The following CRB1 variants were observed in gnomAD, a reference collection of about 807,000 sequenced individuals.
CRB1 encodes the protein protein crumbs homolog 1.
Under a neutral mutation model 120.0 loss-of-function variants are expected in CRB1, and 83 were observed. The observed-to-expected ratio is 0.69, with a 90% CI of 0.58 to 0.83. CRB1 has a LOEUF of 0.83. Among genes scored for constraint, CRB1 ranks in the 40% least tolerant of loss-of-function variants. The pLI is 0.00. For missense variants in CRB1, 1,699 were observed against 1,687.6 expected, an observed-to-expected ratio of 1.01 and a Z score of -0.12; for synonymous variants, 625 against 612.5, an observed-to-expected ratio of 1.02 and a Z score of -0.30.
intron 7 of CRB1, among the ~76,000 whole-genome samples, chr1:197,428,798 G>A (rs909572562): frequency 6.6e-6 from 1 of 152,220 alleles, no homozygotes; most frequent in Non-Finnish European, 1.5e-5. Flanking sequence ...ATTTACAGAT[G>A]AAGTAACTGA....
In CRB1 at chr1:197,442,575, G is replaced by T. The variant is rs568722807; in HGVS notation, c.4005+283G>T. 9 of 1,394,508 alleles carry T rather than the reference G, an allele frequency of 6.5e-6. No individual in the cohort carries two copies. The African/African-American group carries it at 1.2e-4, about 18-fold the overall frequency. The allele number at this position is 1,394,508 out of a possible 1,614,324, so 86.4% of individuals were successfully genotyped here. A position where few individuals can be genotyped will look rare whatever the true frequency, so the allele number is the denominator to read the frequency against. ...ATTTTAAACATATCAGAAGCACTTT[G>T]TCTGTGTATAAAATATTTTCCTATT... On this transcript the variant is annotated intron_variant, in intron 11 of 11. Transcript: ENST00000367400.
intron 8 of CRB1, among the ~76,000 whole-genome samples, chr1:197,433,927 A>C (rs1382926921): frequency 6.6e-6 from 1 of 152,112 alleles, no homozygotes; most frequent in East Asian, 1.9e-4. Context: ...CTGTTTTTTC[A>C]AGAAAATATT....
At chr1:197,352,142 C>T (rs1660143967) in intron 4 of CRB1, among the ~76,000 whole-genome samples, 1 of 152,116 alleles carries the variant, frequency 6.6e-6, no homozygotes. Flanking sequence ...ATATAAGAAC[C>T]CCAGGGATGT....
chr1:197,354,584 G>A (rs1660325798), intron 4 of CRB1, among the ~76,000 whole-genome samples: 1 of 152,080 alleles, frequency 6.6e-6, no homozygotes, highest in East Asian at 1.9e-4. Flanking sequence ...CGCGTCTGGA[G>A]AGTTGTTTAT....
intron 5 of CRB1, among the ~76,000 whole-genome samples, chr1:197,396,321 C>T (rs902590172): frequency 1.3e-5 from 2 of 152,090 alleles, no homozygotes; most frequent in Non-Finnish European, 2.9e-5. Context: ...AAAGAAATTA[C>T]ATAAGCCCAA....
the CRB1 span, among the ~76,000 whole-genome samples, chr1:197,234,744 C>T: frequency 6.6e-6 from 1 of 152,164 alleles, no homozygotes; most frequent in East Asian, 1.9e-4. Flanking sequence ...TTCATGGTTC[C>T]AATAACATAG....
rs778707167 is a variant in CRB1, at chr1:197,328,552, T to C, written c.201T>C (p.Cys67=). Reference sequence around the variant, plus strand: ...CAGCCAATAATTTGGACAAAGACTGTGACAACATGAAAGACCCTTGCTTCT... The same window carrying C: ...CAGCCAATAATTTGGACAAAGACTGCGACAACATGAAAGACCCTTGCTTCT... ...SDTANNLDKD[C]DNMKDPCFSN... The change falls in exon 2 of 12, where the codon TGT becomes TGC. Residue 67 remains cysteine, a synonymous_variant. Coordinates refer to ENST00000367400, the MANE Select transcript of CRB1 (RefSeq NM_201253.3). 2 of 1,614,206 alleles carry C rather than the reference T, an allele frequency of 1.2e-6. No homozygotes were observed. The highest frequency in any genetic ancestry group is 2.2e-5 in the South Asian group (2 of 91,080).
intron 1 of CRB1, among the ~76,000 whole-genome samples, chr1:197,320,095 A>C (rs1658103835): frequency 6.6e-6 from 1 of 152,248 alleles, no homozygotes; most frequent in Non-Finnish European, 1.5e-5. Flanking sequence ...TTCAGGAAAT[A>C]ATTGATAGCA....
At chr1:197,466,639 A>G (rs1330392574) in intron 11 of CRB1, among the ~76,000 whole-genome samples, 1 of 152,172 alleles carries the variant, frequency 6.6e-6, no homozygotes, top group Non-Finnish European at 1.5e-5. Context: ...GACCTTCATT[A>G]CTTTGGCAAC....
At chr1:197,243,754 T>C in the CRB1 span, among the ~76,000 whole-genome samples, 1 of 152,202 alleles carries the variant, frequency 6.6e-6, no homozygotes, top group East Asian at 1.9e-4. Flanking sequence ...CGTTGATCTG[T>C]CTAATATTGA....
chr1:197,213,199 T>C, the CRB1 span, among the ~76,000 whole-genome samples: 1 of 152,190 alleles, frequency 6.6e-6, no homozygotes, highest in Non-Finnish European at 1.5e-5. Context: ...TAAGTAATAG[T>C]GTATTAAGTG....
chr1:197,442,605 C>A (rs1665508261), intron 11 of CRB1: 2 of 1,262,682 alleles, frequency 1.6e-6, no homozygotes, highest in Admixed American at 3.2e-5. Flanking sequence ...CCTATTCTAA[C>A]TTTAAATATG....
chr1:197,288,454 A>C (rs1225160676), intron 1 of CRB1, among the ~76,000 whole-genome samples: 1 of 151,932 alleles, frequency 6.6e-6, no homozygotes, highest in African/African-American at 2.4e-5. Flanking sequence ...ACTGCATTGC[A>C]GAACACAGCT....
intron 11 of CRB1, among the ~76,000 whole-genome samples, chr1:197,446,267 A>T (rs1206566196): frequency 6.6e-6 from 1 of 152,104 alleles, no homozygotes; most frequent in African/African-American, 2.4e-5. Context: ...GTAAGGGAGC[A>T]TATAAGAGAG....
chr1:197,299,105 A>G (rs1353536226), intron 1 of CRB1, among the ~76,000 whole-genome samples: 1 of 152,154 alleles, frequency 6.6e-6, no homozygotes, highest in African/African-American at 2.4e-5. Flanking sequence ...CATACAGTCA[A>G]CAAGATAATG....
At chr1:197,375,265 G>A (rs1246885784) in intron 5 of CRB1, among the ~76,000 whole-genome samples, 3 of 152,166 alleles carry the variant, frequency 2.0e-5, no homozygotes, top group African/African-American at 7.2e-5. Flanking sequence ...ACAGCAGACT[G>A]CATGAGTATC....
chr1:197,438,904 A>T (rs930252764), intron 10 of CRB1: 1 of 447,560 alleles, frequency 2.2e-6, no homozygotes, highest in Non-Finnish European at 4.1e-6. Context: ...AATGATTTTT[A>T]AAAAATGTAT....
At chr1:197,363,856 G>A in intron 5 of CRB1, 1 of 880,106 alleles carries the variant, frequency 1.1e-6, no homozygotes, top group African/African-American at 1.6e-5. Context: ...GACTGTGATG[G>A]TATAGGAAGG....
intron 1 of CRB1, among the ~76,000 whole-genome samples, chr1:197,293,255 T>C (rs1571781644): frequency 6.6e-6 from 1 of 151,980 alleles, no homozygotes; most frequent in Non-Finnish European, 1.5e-5. Context: ...ACAAGCATTC[T>C]TATACACCAA....
Sources: gnomAD v4.1 joint callset for allele counts (sites outside exome capture counted in the v4.1 genomes callset) on GRCh38, gnomAD v4.1.1 for gene constraint, MANE v1.5 for transcripts, NCBI Gene and HGNC (gene_info 2026-07-23, HGNC 2026-07-21) for gene names.